Variants in GALNTL6 observed in about 807,000 individuals in gnomAD.
GALNTL6 encodes the protein polypeptide N-acetylgalactosaminyltransferase like 6, also known as polypeptide N-acetylgalactosaminyltransferase-like 6.
A neutral mutation model predicts 73.7 loss-of-function variants in GALNTL6; 46 were observed. That is an observed-to-expected ratio of 0.62 (90% CI 0.49 to 0.80). The LOEUF (loss-of-function observed/expected upper bound fraction) is 0.80, where lower values mean the gene tolerates loss of function less well. Among genes scored for constraint, GALNTL6 ranks in the 30% least tolerant of loss-of-function variants. The probability of loss-of-function intolerance (pLI) is 0.00; values close to 1 mark genes in which losing one functional copy is unlikely to be tolerated. For synonymous variants in GALNTL6, 259 were observed against 263.7 expected (o/e 0.98, Z 0.17); for missense variants, 604 against 755.0 (o/e 0.80, Z 2.34).
chr4:171,821,254 C>T (rs1405188906), intron 2 of GALNTL6, among the ~76,000 whole-genome samples: 1 of 152,074 alleles, frequency 6.6e-6, no homozygotes, highest in Non-Finnish European at 1.5e-5. Context: ...GTTACCCAGG[C>T]TGGTCTCAAC....
In GALNTL6 at chr4:172,082,254, G is replaced by T. The variant is rs115185794; in HGVS notation, c.139-147402G>T. Among the ~76,000 whole-genome samples, 1,068 of 152,274 alleles carry T rather than the reference G, an allele frequency of 7.0e-3. 20 individuals carry two copies. Among genetic ancestry groups the T allele is most frequent in the African/African-American group, 0.024 (990 of 41,544 alleles). On this transcript the variant is annotated intron_variant, in intron 2 of 12. Coordinates refer to ENST00000506823, the MANE Select transcript of GALNTL6 (RefSeq NM_001034845.3). ...AGGAATGAAAGGAAAGTAACTTGGA[G>T]AAATTTAAAAACAAAAATACCAAAT... is the stretch of plus-strand genomic sequence containing the variant.
At chr4:172,407,369 A>G (rs2111336520) in intron 5 of GALNTL6, among the ~76,000 whole-genome samples, 1 of 152,230 alleles carries the variant, frequency 6.6e-6, no homozygotes, top group East Asian at 1.9e-4. Flanking sequence ...AGTAAGCTGA[A>G]CTAAGTGATA....
At chr4:172,267,506 A>AT (rs1455871898) in intron 3 of GALNTL6, among the ~76,000 whole-genome samples, 1 of 152,004 alleles carries the variant, frequency 6.6e-6, no homozygotes, top group Non-Finnish European at 1.5e-5. Context: ...TTTACATCTA[A>AT]TTTTTTCTCA....
At chr4:172,552,209 A>G (rs555631906) in intron 5 of GALNTL6, among the ~76,000 whole-genome samples, 15 of 152,264 alleles carry the variant, frequency 9.9e-5, no homozygotes, top group African/African-American at 3.6e-4. Flanking sequence ...AGCTCATTTA[A>G]TGAAATTGGC....
intron 5 of GALNTL6, among the ~76,000 whole-genome samples, chr4:172,647,339 T>C (rs1740285068): frequency 6.6e-6 from 1 of 152,092 alleles, no homozygotes. Context: ...CCTCGACTCA[T>C]CAGTCTTCAT....
chr4:172,975,334 G>A (rs186776106), intron 10 of GALNTL6, among the ~76,000 whole-genome samples: 3 of 152,076 alleles, frequency 2.0e-5, no homozygotes, highest in Non-Finnish European at 4.4e-5. Context: ...CAGGCAGGTC[G>A]TCCCATCAAG....
chr4:172,653,081 A>T (rs1392164130), intron 5 of GALNTL6, among the ~76,000 whole-genome samples: 1 of 151,842 alleles, frequency 6.6e-6, no homozygotes, highest in Non-Finnish European at 1.5e-5. Flanking sequence ...TTTCCACCAG[A>T]TCCAGTGGCT....
intron 5 of GALNTL6, among the ~76,000 whole-genome samples, chr4:172,446,245 G>A (rs934892486): frequency 6.6e-6 from 1 of 152,056 alleles, no homozygotes; most frequent in East Asian, 1.9e-4. Context: ...CCTTTATGAC[G>A]ATCACAGAGC....
At chr4:172,326,106 G>C (rs1740931587) in intron 4 of GALNTL6, among the ~76,000 whole-genome samples, 1 of 151,776 alleles carries the variant, frequency 6.6e-6, no homozygotes, top group Non-Finnish European at 1.5e-5. Flanking sequence ...TTCATGCACT[G>C]AAAAGGAGGT....
intron 5 of GALNTL6, among the ~76,000 whole-genome samples, chr4:172,562,318 A>C (rs929796420): frequency 1.7e-4 from 26 of 152,208 alleles, no homozygotes; most frequent in Admixed American, 3.3e-4. Context: ...CACACAGAAG[A>C]AGCCATTACC....
chr4:172,219,199 G>GTATATATATATATATATATATATATA lies in GALNTL6; in HGVS notation c.139-10433_139-10432insTATATATATATATATATATATATATA, dbSNP rs34783084. On this transcript the variant is annotated intron_variant, in intron 2 of 12. Transcript: ENST00000506823. ...ATATAATATGTCAGATTAAGCAAGT[G>GTATATATATATATATATATATATATA]TATATATATATATATATATATATAA... Among the ~76,000 whole-genome samples, 836 of 115,900 alleles carry GTATATATATATATATATATATATATA rather than the reference G, an allele frequency of 7.2e-3. 24 individuals are homozygous for GTATATATATATATATATATATATATA. The highest frequency in any genetic ancestry group is 8.9e-3 in the Non-Finnish European group (500 of 55,866). 76.0% of individuals were successfully genotyped at this position (115,900 alleles called of 152,430 possible).
intron 2 of GALNTL6, among the ~76,000 whole-genome samples, chr4:171,906,753 C>T (rs541555379): frequency 3.3e-5 from 5 of 152,266 alleles, no homozygotes; most frequent in East Asian, 1.9e-4. Flanking sequence ...GAATAAAATA[C>T]TGGCAAACCG....
At chr4:172,732,829 A>G (rs537965904) in intron 5 of GALNTL6, among the ~76,000 whole-genome samples, 1 of 152,326 alleles carries the variant, frequency 6.6e-6, no homozygotes, top group South Asian at 2.1e-4. Flanking sequence ...AAAAAAACCC[A>G]CAAACACAAT....
chr4:172,161,150 A>G (rs1314321126), intron 2 of GALNTL6, among the ~76,000 whole-genome samples: 1 of 151,880 alleles, frequency 6.6e-6, no homozygotes, highest in African/African-American at 2.4e-5. Flanking sequence ...TTTTAATTTT[A>G]GTTTGAAATT....
chr4:172,665,758 GAATA>G (rs748718374), intron 5 of GALNTL6, among the ~76,000 whole-genome samples: 48 of 152,166 alleles, frequency 3.2e-4, no homozygotes, highest in South Asian at 1.0e-3. Context: ...TTATATTAAT[GAATA>G]AATAAACTAA....
chr4:172,072,829 T>C (rs1731583918), intron 2 of GALNTL6, among the ~76,000 whole-genome samples: 1 of 152,210 alleles, frequency 6.6e-6, no homozygotes, highest in Non-Finnish European at 1.5e-5. Context: ...TGCCTTTCTT[T>C]GTTCTTTTTC....
chr4:172,248,405 CT>C (rs1737731992), intron 3 of GALNTL6, among the ~76,000 whole-genome samples: 1 of 152,124 alleles, frequency 6.6e-6, no homozygotes. Flanking sequence ...TCTGTTCTCC[CT>C]TTTCCTAATG....
At chr4:172,692,255 T>C (rs987660544) in intron 5 of GALNTL6, among the ~76,000 whole-genome samples, 1 of 152,144 alleles carries the variant, frequency 6.6e-6, no homozygotes, top group Non-Finnish European at 1.5e-5. Context: ...TTCACAATTG[T>C]GTGACATTTT....
At chr4:172,203,107 TGTTGA>T (rs1736007142) in intron 2 of GALNTL6, among the ~76,000 whole-genome samples, 1 of 152,192 alleles carries the variant, frequency 6.6e-6, no homozygotes, top group Non-Finnish European at 1.5e-5. Context: ...GCAGTGTTTG[TGTTGA>T]GATTTGAAGT....
Sources: allele counts gnomAD v4.1 joint callset (sites outside exome capture counted in the v4.1 genomes callset), GRCh38; gene constraint gnomAD v4.1.1; transcripts MANE v1.5; gene names NCBI Gene and HGNC (gene_info 2026-07-23, HGNC 2026-07-21).